LAMA3: variants seen among roughly 807,000 people sequenced by gnomAD.
The protein encoded by LAMA3 is laminin subunit alpha 3.
A neutral mutation model predicts 402.0 loss-of-function variants in LAMA3; 281 were observed. The observed-to-expected ratio is 0.70, with a 90% CI of 0.63 to 0.77. LAMA3 has a LOEUF of 0.77. LAMA3 is among the 30% of genes least tolerant of loss of function. The pLI is 0.00. For missense variants in LAMA3, 3,840 were observed against 4,215.5 expected, an observed-to-expected ratio of 0.91 and a Z score of 2.47; for synonymous variants, 1,431 against 1,558.4, an observed-to-expected ratio of 0.92 and a Z score of 1.93.
chr18:23,784,274 T>G, intron 12 of LAMA3, 117 bp downstream of exon 12: 1,615 of 977,700 alleles, frequency 1.7e-3, no homozygotes, highest in Non-Finnish European at 2.3e-3. Context: ...AATGGGCCCC[T>G]GGCTTATATA....
intron 1 of LAMA3, among the ~76,000 whole-genome samples, chr18:23,706,601 T>TA (rs1257643756): frequency 6.6e-6 from 1 of 152,242 alleles, no homozygotes; most frequent in Non-Finnish European, 1.5e-5. Flanking sequence ...GTGTTTCCTC[T>TA]TCTGTGAAAT....
At chr18:23,720,210 C>T (rs1381193673) in intron 2 of LAMA3, among the ~76,000 whole-genome samples, 1 of 152,160 alleles carries the variant, frequency 6.6e-6, no homozygotes, top group Non-Finnish European at 1.5e-5. Flanking sequence ...AGTTTTAGCT[C>T]TGTAATTAAT....
chr18:23,747,803 T>C (rs1037752995), intron 2 of LAMA3, 140 bp from the exon 3 acceptor site: 3 of 699,210 alleles, frequency 4.3e-6, no homozygotes, highest in Non-Finnish European at 7.9e-6. Context: ...AGATGTCCAA[T>C]AGACAGGAAT....
At chr18:23,746,211 G>A (rs1002571913) in intron 2 of LAMA3, among the ~76,000 whole-genome samples, 1 of 152,194 alleles carries the variant, frequency 6.6e-6, no homozygotes, top group Non-Finnish European at 1.5e-5. Flanking sequence ...CAAAGAGCAA[G>A]TGTTTGATAG....
At chr18:23,945,017 C>T (rs1312115438) in intron 69 of LAMA3, among the ~76,000 whole-genome samples, 5 of 152,120 alleles carry the variant, frequency 3.3e-5, no homozygotes, top group Non-Finnish European at 7.3e-5. Context: ...CCTGTAATCC[C>T]AGCTACTCAG....
intron 40 of LAMA3, among the ~76,000 whole-genome samples, chr18:23,882,404 C>T (rs915435927): frequency 1.3e-5 from 2 of 151,922 alleles, no homozygotes; most frequent in East Asian, 3.9e-4. Flanking sequence ...CCGAGGAGGG[C>T]GGATCACTTG....
At chr18:23,932,373 T>A in intron 66 of LAMA3, 82 bp downstream of exon 66, 2 of 1,458,792 alleles carry the variant, frequency 1.4e-6, no homozygotes, top group Non-Finnish European at 1.9e-6. Flanking sequence ...GTTAACAAAG[T>A]CAGCTTTGTC....
intron 67 of LAMA3, among the ~76,000 whole-genome samples, chr18:23,934,920 C>A (rs376920135): frequency 1.8e-4 from 28 of 152,178 alleles, no homozygotes; most frequent in African/African-American, 6.3e-4. Context: ...CAGATAATAC[C>A]TAATAAAATA....
At chr18:23,872,303 G>A (rs2064549088) in intron 38 of LAMA3, among the ~76,000 whole-genome samples, 1 of 152,040 alleles carries the variant, frequency 6.6e-6, no homozygotes, top group Non-Finnish European at 1.5e-5. Flanking sequence ...CAGGACTCTC[G>A]TTGTTTGAGG....
chr18:23,946,433 T>C (rs778466419), intron 70 of LAMA3, 149 bp downstream of exon 70: 3 of 903,172 alleles, frequency 3.3e-6, no homozygotes, highest in South Asian at 1.5e-5. Flanking sequence ...CACAACCACA[T>C]AGAGTAAGTG....
chr18:23,908,217 T>C (rs1423387649), intron 54 of LAMA3, among the ~76,000 whole-genome samples: 1 of 152,050 alleles, frequency 6.6e-6, no homozygotes, highest in Non-Finnish European at 1.5e-5. Flanking sequence ...TGAATTATGA[T>C]TGATATTAAG....
Position 23,861,759 on chromosome 18 carries a change from C to T in LAMA3, c.4536C>T (p.Thr1512=). 3 of 1,613,900 alleles carry T rather than the reference C, an allele frequency of 1.9e-6. No individual in the cohort carries two copies. Among genetic ancestry groups the T allele is most frequent in the Non-Finnish European group, 2.5e-6 (3 of 1,179,928 alleles). ...MVADLQELPA[T]IHSASWVAPT... is the part of the protein sequence containing the mutation. ...CGGATCTCCAGGAGCTGCCCGCAAC[C>T]ATCCACAGCGCGTCCTGGGTCGCAC... The change falls in exon 35 of 75, where the codon ACC becomes ACT. Residue 1512 remains threonine, a synonymous_variant. Transcript: ENST00000313654.
At chr18:23,949,946 T>C in intron 71 of LAMA3, 22 bp downstream of exon 71, 1 of 1,614,086 alleles carries the variant, frequency 6.2e-7, no homozygotes, top group Non-Finnish European at 8.5e-7. Context: ...TTCTATAGAA[T>C]TTAAGTCTTT....
At chr18:23,803,604 T>C (rs1451721136) in intron 12 of LAMA3, among the ~76,000 whole-genome samples, 1 of 152,310 alleles carries the variant, frequency 6.6e-6, no homozygotes, top group East Asian at 1.9e-4. Flanking sequence ...GGCCATCCAG[T>C]CAAAGAATTG....
At chr18:23,907,981 T>C (rs1196353194) in intron 54 of LAMA3, 46 bp downstream of exon 54, 1 of 1,585,628 alleles carries the variant, frequency 6.3e-7, no homozygotes. Flanking sequence ...TTCTCTCCAT[T>C]GTTATGTGTT....
chr18:23,897,490 T>C (rs2145087010), intron 44 of LAMA3, among the ~76,000 whole-genome samples: 1 of 152,308 alleles, frequency 6.6e-6, no homozygotes, highest in Non-Finnish European at 1.5e-5. Context: ...ACACACGCTG[T>C]TTGCCACACC....
At chr18:23,770,494 G>T (rs2062173317) in intron 8 of LAMA3, among the ~76,000 whole-genome samples, 1 of 152,206 alleles carries the variant, frequency 6.6e-6, no homozygotes, top group Admixed American at 6.5e-5. Context: ...GGGTGCTGTG[G>T]CTCACGCCTG....
chr18:23,705,110 G>A (rs1176265515), intron 1 of LAMA3, among the ~76,000 whole-genome samples: 1 of 152,104 alleles, frequency 6.6e-6, no homozygotes, highest in Non-Finnish European at 1.5e-5. Flanking sequence ...CCAAGTGTGA[G>A]TCCCTTGTTC....
At position 23,864,777 on chromosome 18, in the gene LAMA3, CA is replaced by C; in HGVS notation, c.4585-7del. 6.4e-7 allele frequency: 1 copy of C among 1,571,760 alleles called. No individual in the cohort carries two copies. Among genetic ancestry groups the C allele is most frequent in the Non-Finnish European group, 8.8e-7 (1 of 1,141,776 alleles). On this transcript the variant is annotated splice_polypyrimidine_tract_variant and splice_region_variant and intron_variant, in intron 35 of 74. Coordinates refer to ENST00000313654, the MANE Select transcript of LAMA3 (RefSeq NM_198129.4). ...CTTGTGCTATTGATGCTATTAATTC[CA>C]TTTTAGGTTTCTTCATATGGTGGTT... is the stretch of plus-strand genomic sequence containing the variant.
Sources: gnomAD v4.1 joint callset for allele counts (sites outside exome capture counted in the v4.1 genomes callset) on GRCh38, gnomAD v4.1.1 for gene constraint, MANE v1.5 for transcripts, NCBI Gene and HGNC (gene_info 2026-07-23, HGNC 2026-07-21) for gene names.